Variants in KCNN2 observed in about 807,000 individuals in gnomAD.
The protein encoded by KCNN2 is small conductance calcium-activated potassium channel protein 2.
A neutral mutation model predicts 55.5 loss-of-function variants in KCNN2; 24 were observed. The observed-to-expected ratio is 0.43, with a 90% confidence interval of 0.31 to 0.61. The LOEUF is 0.61. Among genes scored for constraint, KCNN2 ranks in the 20% least tolerant of loss-of-function variants. The pLI is 0.08. For synonymous variants in KCNN2, 431 were observed against 336.1 expected (o/e 1.28, Z -3.09); for missense variants, 754 against 853.6 (o/e 0.88, Z 1.45).
intron 2 of KCNN2, among the ~76,000 whole-genome samples, chr5:114,269,924 T>C (rs1399831834): frequency 2.0e-5 from 3 of 152,336 alleles, no homozygotes; most frequent in Middle Eastern, 3.4e-3. Flanking sequence ...ACTAGACCGT[T>C]TCAGAATAGC....
chr5:114,432,647 G>A (rs962972850), intron 3 of KCNN2, among the ~76,000 whole-genome samples: 1 of 152,188 alleles, frequency 6.6e-6, no homozygotes, highest in African/African-American at 2.4e-5. Flanking sequence ...GCCAAGGCCA[G>A]AGCCGGCTCC....
At chr5:114,148,033 G>T (rs771300620) in intron 1 of KCNN2, among the ~76,000 whole-genome samples, 1 of 152,136 alleles carries the variant, frequency 6.6e-6, no homozygotes, top group African/African-American at 2.4e-5. Flanking sequence ...CGAATAGATT[G>T]TAACACAGTA....
chr5:114,292,802 A>ATTG (rs1375734585), intron 2 of KCNN2, among the ~76,000 whole-genome samples: 1 of 152,152 alleles, frequency 6.6e-6, no homozygotes, highest in Non-Finnish European at 1.5e-5. Context: ...TTTTCACGAT[A>ATTG]TTGATTCTTC....
chr5:114,166,199 G>GC (rs1752908118), intron 1 of KCNN2, among the ~76,000 whole-genome samples: 1 of 152,012 alleles, frequency 6.6e-6, no homozygotes, highest in South Asian at 2.1e-4. Context: ...CAACAGTCTT[G>GC]CTAATACTCC....
At chr5:114,147,510 C>T (rs1273088586) in intron 1 of KCNN2, among the ~76,000 whole-genome samples, 1 of 152,096 alleles carries the variant, frequency 6.6e-6, no homozygotes, top group Non-Finnish European at 1.5e-5. Context: ...TCATTTTGTA[C>T]TATAAGTCCT....
At chr5:114,257,122 T>G (rs986862984) in intron 2 of KCNN2, among the ~76,000 whole-genome samples, 5 of 152,152 alleles carry the variant, frequency 3.3e-5, no homozygotes, top group African/African-American at 1.2e-4. Context: ...GGGTGTCCTT[T>G]CCCTAGTGTA....
rs1410402912 is a variant in KCNN2, at chr5:114,370,990, C to T, written c.1218+6989C>T. On this transcript the variant is annotated intron_variant, in intron 2 of 7. Transcript: ENST00000673685. ...ATTCATAGAGATGATGCTCACCTGG[C>T]TTAATAGCATTCTTGCTTGTAGCAG... is the stretch of plus-strand genomic sequence containing the variant. Among the ~76,000 whole-genome samples, 4 of 152,228 alleles carry T rather than the reference C, an allele frequency of 2.6e-5. No homozygotes were observed. In the East Asian group the frequency reaches 7.7e-4, roughly 29 times the overall value.
At chr5:114,473,232 T>C in intron 5 of KCNN2, 68 bp downstream of exon 5, 2 of 1,061,754 alleles carry the variant, frequency 1.9e-6, no homozygotes, top group Non-Finnish European at 2.8e-6. Flanking sequence ...GGAAATATGG[T>C]TTTTATTTTG....
At chr5:114,280,795 G>C (rs1449165561) in intron 2 of KCNN2, among the ~76,000 whole-genome samples, 1 of 152,048 alleles carries the variant, frequency 6.6e-6, no homozygotes, top group East Asian at 1.9e-4. Context: ...TAATTCCATG[G>C]TTCAAGCTTT....
intron 2 of KCNN2, among the ~76,000 whole-genome samples, chr5:114,341,466 T>C (rs1757013131): frequency 6.6e-6 from 1 of 151,970 alleles, no homozygotes; most frequent in Non-Finnish European, 1.5e-5. Flanking sequence ...AAGGGGAAAA[T>C]TAGGGGTTTT....
At chr5:114,335,934 T>G (rs1045853612) in intron 2 of KCNN2, among the ~76,000 whole-genome samples, 1 of 152,198 alleles carries the variant, frequency 6.6e-6, no homozygotes, top group Non-Finnish European at 1.5e-5. Context: ...TAGAATTGAC[T>G]GGAAGAAACC....
At chr5:114,247,544 T>C (rs1455893064) in intron 2 of KCNN2, among the ~76,000 whole-genome samples, 3 of 152,206 alleles carry the variant, frequency 2.0e-5, no homozygotes. Context: ...AGGACCAGGA[T>C]TGAAAGTAGA....
chr5:114,325,905 C>A (rs1756705540), intron 2 of KCNN2, among the ~76,000 whole-genome samples: 1 of 152,182 alleles, frequency 6.6e-6, no homozygotes, highest in African/African-American at 2.4e-5. Context: ...TAGGGCAGTA[C>A]TATATACATC....
chr5:114,107,006 C>T (rs142772963), intron 1 of KCNN2, among the ~76,000 whole-genome samples: 2 of 152,092 alleles, frequency 1.3e-5, no homozygotes, highest in South Asian at 2.1e-4. Flanking sequence ...TATAATTTTA[C>T]CTTTCACATT....
At chr5:114,346,127 C>T (rs1172501600) in intron 2 of KCNN2, among the ~76,000 whole-genome samples, 1 of 152,128 alleles carries the variant, frequency 6.6e-6, no homozygotes, top group African/African-American at 2.4e-5. Flanking sequence ...CAAGAGCAGG[C>T]ACATCACATG....
intron 1 of KCNN2, among the ~76,000 whole-genome samples, chr5:114,134,348 G>C (rs1327337241): frequency 6.6e-6 from 1 of 151,044 alleles, no homozygotes. Context: ...TTTTTTTCTG[G>C]TAAGTATAAG....
At chr5:114,059,859 A>G (rs540243720) in intron 1 of KCNN2, among the ~76,000 whole-genome samples, 1 of 152,314 alleles carries the variant, frequency 6.6e-6, no homozygotes, top group South Asian at 2.1e-4. Flanking sequence ...GGCTGACCTC[A>G]TGGGTGATGG....
chr5:114,257,789 C>T (rs1207942962), intron 2 of KCNN2, among the ~76,000 whole-genome samples: 2 of 152,054 alleles, frequency 1.3e-5, no homozygotes, highest in Admixed American at 6.6e-5. Context: ...CTTATATCAT[C>T]AGCAGAGATA....
At chr5:114,425,435 AT>A (rs749319511) in intron 3 of KCNN2, among the ~76,000 whole-genome samples, 5 of 152,170 alleles carry the variant, frequency 3.3e-5, no homozygotes, top group Non-Finnish European at 7.3e-5. Context: ...TCAAATGCCA[AT>A]CTGTTGACCT....
Sources: gnomAD v4.1 joint callset for allele counts (sites outside exome capture counted in the v4.1 genomes callset) on GRCh38, gnomAD v4.1.1 for gene constraint, MANE v1.5 for transcripts, NCBI Gene and HGNC (gene_info 2026-07-23, HGNC 2026-07-21) for gene names.